ZFP91: variants seen among roughly 807,000 people sequenced by gnomAD.
ZFP91 encodes E3 ubiquitin-protein ligase ZFP91.
Under a neutral mutation model 63.5 loss-of-function variants are expected in ZFP91, and 7 were observed. The ratio of observed to expected loss-of-function variants is 0.11; its 90% CI spans 0.06 to 0.21. The LOEUF (loss-of-function observed/expected upper bound fraction) is 0.21, where lower values mean the gene tolerates loss of function less well. Among genes scored for constraint, ZFP91 ranks in the 10% least tolerant of loss-of-function variants. The pLI is 1.00. For missense variants in ZFP91, 628 were observed against 736.6 expected, an observed-to-expected ratio of 0.85 and a Z score of 1.71; for synonymous variants, 330 against 272.1, an observed-to-expected ratio of 1.21 and a Z score of -2.10.
rs1009872544 is a variant in ZFP91, at chr11:58,620,489, G to A, written c.*2783G>A. 4.6e-5 allele frequency: 7 copies of A among 152,610 alleles called. No homozygotes were observed. The highest frequency in any genetic ancestry group is 1.7e-4 in the African/African-American group (7 of 41,428). 9.5% of individuals were successfully genotyped at this position (152,610 alleles called of 1,614,324 possible). A position where few individuals can be genotyped will look rare whatever the true frequency, so the allele number is the denominator to read the frequency against. On this transcript the variant is annotated 3_prime_UTR_variant, in exon 11 of 11. Coordinates refer to ENST00000316059, the MANE Select transcript of ZFP91 (RefSeq NM_053023.5). ...CAGCTATTTAATATTTCTGGGAGAT[G>A]TGCATCCCTCTTCTTTGTGGTTGCC...
intron 4 of ZFP91, 122 bp downstream of exon 4, chr11:58,610,456 T>G (rs2134418788): frequency 2.3e-6 from 2 of 882,526 alleles, no homozygotes; most frequent in East Asian, 5.3e-5. Context: ...TAACTTCAGT[T>G]TTGATACTGC....
chr11:58,579,329 G>A lies in ZFP91; in HGVS notation c.48G>A (p.Gln16=). ...CGAGACCCCCGGAGCAGCAGGACCA[G>A]GAAGGGGGAGAGGCGGCCAAGGCGG... ...EEPRPPEQQD[Q]EGGEAAKAAP... Residue 16 remains glutamine (Q), a synonymous_variant, in exon 1 of 11, where the codon CAG becomes CAA. Transcript: ENST00000316059. 2 of 1,494,714 alleles carry A rather than the reference G, an allele frequency of 1.3e-6. No individual in the cohort carries two copies. The highest frequency in any genetic ancestry group is 1.5e-5 in the African/African-American group (1 of 68,042). 92.6% of individuals were successfully genotyped at this position (1,494,714 alleles called of 1,614,324 possible).
In ZFP91 at chr11:58,579,529, G is replaced by A; in HGVS notation, c.248G>A (p.Ser83Asn). ...KAEYPRRRRSSPSARPPDVPG... is the reference protein window; with the variant it reads ...KAEYPRRRRSNPSARPPDVPG... Reference sequence around the variant, plus strand: ...GAGTATCCCCGCCGGCGGAGGAGCAGCCCCAGCGCCAGGCCTCCCGACGTC... The same window carrying A: ...GAGTATCCCCGCCGGCGGAGGAGCAACCCCAGCGCCAGGCCTCCCGACGTC... Residue 83 changes from serine (S) to asparagine (N), a missense_variant, in exon 1 of 11, where the codon AGC becomes AAC. By Grantham distance (46) the Ser-to-Asn change is conservative (BLOSUM62 1). Coordinates refer to ENST00000316059, the MANE Select transcript of ZFP91 (RefSeq NM_053023.5). The A allele has an allele frequency of 6.4e-7, 1 of 1,573,812 alleles. No individual in the cohort carries two copies. Among genetic ancestry groups the A allele is most frequent in the East Asian group, 2.5e-5 (1 of 40,046 alleles).
chr11:58,590,036 C>T (rs781710567), intron 2 of ZFP91, among the ~76,000 whole-genome samples: 9 of 152,148 alleles, frequency 5.9e-5, no homozygotes, highest in Non-Finnish European at 1.3e-4. Context: ...ACATTGAGAT[C>T]CCTTTTCCTG....
Position 58,579,639 on chromosome 11 carries a change from C to A in ZFP91, c.341+17C>A, listed in dbSNP as rs1289985420. 1.3e-6 allele frequency: 2 copies of A among 1,538,442 alleles called. No homozygotes were observed. The highest frequency in any genetic ancestry group is 2.9e-5 in the African/African-American group (2 of 69,566). ...GCGACTCCTGTGAGTAACAGTCTTT[C>A]AGGCGGTGGGAAAGACCCCCCTCTG... On this transcript the variant is annotated intron_variant, in intron 1 of 10. Coordinates refer to ENST00000316059, the MANE Select transcript of ZFP91 (RefSeq NM_053023.5).
intron 2 of ZFP91, among the ~76,000 whole-genome samples, chr11:58,595,780 T>C (rs1357855717): frequency 6.6e-6 from 1 of 152,140 alleles, no homozygotes; most frequent in Non-Finnish European, 1.5e-5. Context: ...TTTCATCATG[T>C]TGGCGAGGCT....
In ZFP91 at chr11:58,579,232, C is replaced by T; in HGVS notation, c.-50C>T. Reference sequence around the variant, plus strand: ...GGGGGGAGCAGCGCCGAGGCCGCCGCCTCCGCCTCCGCCGCCTAGGACTAG... The same window carrying T: ...GGGGGGAGCAGCGCCGAGGCCGCCGTCTCCGCCTCCGCCGCCTAGGACTAG... On this transcript the variant is annotated 5_prime_UTR_variant, in exon 1 of 11. Transcript: ENST00000316059. The T allele has an allele frequency of 6.6e-6, 9 of 1,356,196 alleles. No homozygotes were observed. Among genetic ancestry groups the T allele is most frequent in the Non-Finnish European group, 7.6e-6 (8 of 1,058,794 alleles). 84.0% of individuals were successfully genotyped at this position (1,356,196 alleles called of 1,614,324 possible). A position where few individuals can be genotyped will look rare whatever the true frequency, so the allele number is the denominator to read the frequency against.
At chr11:58,584,094 G>T (rs1436140293) in intron 1 of ZFP91, among the ~76,000 whole-genome samples, 1 of 151,920 alleles carries the variant, frequency 6.6e-6, no homozygotes, top group Non-Finnish European at 1.5e-5. Flanking sequence ...GGATATGTCT[G>T]ATTTTTGTTG....
At chr11:58,599,971 CCTT>C (rs757894677) in intron 2 of ZFP91, among the ~76,000 whole-genome samples, 120 of 152,202 alleles carry the variant, frequency 7.9e-4, no homozygotes, top group Non-Finnish European at 1.3e-3. Context: ...GTCTTAGCCA[CCTT>C]CTTAAAAATC....
At chr11:58,613,467 T>G (rs551482533) in intron 8 of ZFP91, among the ~76,000 whole-genome samples, 10 of 152,256 alleles carry the variant, frequency 6.6e-5, no homozygotes, top group African/African-American at 2.4e-4. Flanking sequence ...ACATCCAAAT[T>G]CATAGCACCT....
At chr11:58,615,247 A>T (rs536400354) in intron 9 of ZFP91, among the ~76,000 whole-genome samples, 1 of 152,086 alleles carries the variant, frequency 6.6e-6, no homozygotes, top group Non-Finnish European at 1.5e-5. Context: ...ATCACTCCAA[A>T]GTCTACAGTT....
chr11:58,602,032 C>T (rs964145795), intron 2 of ZFP91, among the ~76,000 whole-genome samples: 10 of 152,102 alleles, frequency 6.6e-5, no homozygotes, highest in Non-Finnish European at 1.5e-4. Flanking sequence ...AGCAGTTCTC[C>T]TGCCTCAGCG....
intron 8 of ZFP91, among the ~76,000 whole-genome samples, chr11:58,613,346 C>T (rs192911336): frequency 6.6e-6 from 1 of 152,214 alleles, no homozygotes; most frequent in East Asian, 1.9e-4. Context: ...ATAATATCAA[C>T]CCATTTATAT....
At chr11:58,613,709 T>TATC (rs1439740201) in intron 8 of ZFP91, among the ~76,000 whole-genome samples, 1 of 151,204 alleles carries the variant, frequency 6.6e-6, no homozygotes, top group Admixed American at 6.6e-5. Context: ...TTGAGTAGAT[T>TATC]ATTATTATTA....
rs1044390545 is a variant in ZFP91, at chr11:58,586,076, A to C, written c.370+1192A>C. ...TTCCTGTTGTTGTTACTTAGAAAAT[A>C]GGTTATGTCTGCCAAAAATGGAAGG... On this transcript the variant is annotated intron_variant, in intron 2 of 10. Transcript: ENST00000316059. Among the ~76,000 whole-genome samples the C allele has an allele frequency of 5.3e-5, 8 of 152,016 alleles. No individual in the cohort carries two copies. The South Asian group carries it at 1.2e-3, about 24-fold the overall frequency.
intron 1 of ZFP91, 67 bp downstream of exon 1, chr11:58,579,689 C>G: frequency 2.2e-6 from 3 of 1,390,388 alleles, no homozygotes; most frequent in African/African-American, 1.5e-5. Flanking sequence ...TCTCGGCTCC[C>G]GTAGCGCCTA....
At chr11:58,598,749 CGTGTGTGTGTGTGTGTGTGTGTGTGTGT>C (rs56110499) in intron 2 of ZFP91, among the ~76,000 whole-genome samples, 1 of 120,814 alleles carries the variant, frequency 8.3e-6, no homozygotes, top group African/African-American at 2.6e-5. Context: ...CTTTTGTGCA[CGTGTGTGTGTGTGTGTGTGTGTGTGTGT>C]GTGTGTGTGT....
chr11:58,617,652 A>T lies in ZFP91; in HGVS notation c.1659A>T (p.Ile553=). The change falls in exon 11 of 11, where the codon ATA becomes ATT. Residue 553 remains isoleucine (I), a synonymous_variant. Coordinates refer to ENST00000316059, the MANE Select transcript of ZFP91 (RefSeq NM_053023.5). The surrounding 1 kb of genome is among the most constrained non-coding windows in gnomAD (Gnocchi z 4.2). ...GTEGLVMNSD[I]LGATTEVLIE... ...AAGGGCTGGTTATGAACTCAGATAT[A>T]CTCGGTGCTACCACAGAGGTTCTGA... 1 of 1,553,518 alleles carries T rather than the reference A, an allele frequency of 6.4e-7. No homozygotes were observed. Among genetic ancestry groups the T allele is most frequent in the Admixed American group, 1.9e-5 (1 of 51,682 alleles).
chr11:58,611,384 C>A, intron 5 of ZFP91: 1 of 571,778 alleles, frequency 1.7e-6, no homozygotes, highest in Non-Finnish European at 3.0e-6. Context: ...ATTTGATTTA[C>A]AGGCATCTTT....
Sources: allele counts gnomAD v4.1 joint callset (sites outside exome capture counted in the v4.1 genomes callset), GRCh38; gene constraint gnomAD v4.1.1; non-coding constraint Gnocchi (gnomAD v3.1); transcripts MANE v1.5; gene names NCBI Gene and HGNC (gene_info 2026-07-23, HGNC 2026-07-21).